The following SRGAP3 variants were observed in gnomAD, a reference collection of about 807,000 sequenced individuals.
SRGAP3 encodes SLIT-ROBO Rho GTPase-activating protein 3.
In SRGAP3, 39 loss-of-function variants were observed where a neutral mutation model predicts 121.1. That is an observed-to-expected ratio of 0.32 (90% confidence interval 0.25 to 0.42). SRGAP3 has a LOEUF of 0.42. SRGAP3 is among the 10% of genes least tolerant of loss of function. The probability of loss-of-function intolerance (pLI) is 1.00; values close to 1 mark genes in which losing one functional copy is unlikely to be tolerated. For missense variants in SRGAP3, 1,213 were observed against 1,470.6 expected, an observed-to-expected ratio of 0.82 and a Z score of 2.86; for synonymous variants, 601 against 570.0, an observed-to-expected ratio of 1.05 and a Z score of -0.77.
intron 3 of SRGAP3, among the ~76,000 whole-genome samples, chr3:9,303,223 AAGACC>A (rs1439675262): frequency 6.6e-6 from 1 of 152,092 alleles, no homozygotes; most frequent in Non-Finnish European, 1.5e-5. Context: ...CCAGGAGTTC[AAGACC>A]AGCCTGGCCA....
intron 1 of SRGAP3, among the ~76,000 whole-genome samples, chr3:9,231,290 A>G (rs959799631): frequency 2.6e-5 from 4 of 152,210 alleles, no homozygotes; most frequent in Admixed American, 1.3e-4. Context: ...CTAGAGTATC[A>G]GGATTTGCCT....
chr3:9,262,554 A>AAAAAAAAAAAAAAAAAAAC (rs1954276389), intron 3 of SRGAP3, among the ~76,000 whole-genome samples: 1 of 149,672 alleles, frequency 6.7e-6, no homozygotes. Flanking sequence ...AAAAAAAAAA[A>AAAAAAAAAAAAAAAAAAAC]AAGCAGTGGT....
chr3:9,309,734 C>G (rs1955212269), intron 3 of SRGAP3, among the ~76,000 whole-genome samples: 1 of 152,128 alleles, frequency 6.6e-6, no homozygotes, highest in Admixed American at 6.6e-5. Context: ...GGGCACAGAC[C>G]TGTAGTCCCA....
intron 3 of SRGAP3, among the ~76,000 whole-genome samples, chr3:9,316,441 A>G (rs7613764): frequency 0.8 from 120,723 of 151,270 alleles, 48,364 homozygotes; most frequent in East Asian, 0.91. Flanking sequence ...GGTGGATCCC[A>G]ATGTCAGGAG....
At chr3:9,256,833 G>C in intron 3 of SRGAP3, 1 of 398,528 alleles carries the variant, frequency 2.5e-6, no homozygotes, top group Non-Finnish European at 4.4e-6. Flanking sequence ...GTCGGTGATG[G>C]AGAGTTAACT....
At chr3:9,123,623 T>C (rs1010658879) in intron 2 of SRGAP3, among the ~76,000 whole-genome samples, 5 of 151,804 alleles carry the variant, frequency 3.3e-5, no homozygotes, top group African/African-American at 1.2e-4. Flanking sequence ...GAGAATCTCT[T>C]GAACCCGGGA....
In SRGAP3 at chr3:9,325,474, T is replaced by C. The variant is rs1190408855; in HGVS notation, n.442+536A>G. ...CTTTTCTGTTTAGTCAATTCTATTA[T>C]TTAGCATAACTTTCACATAAGAATT... On this transcript the variant is annotated intron_variant and non_coding_transcript_variant, in intron 3 of 3. Transcript: ENST00000490889. Among the ~76,000 whole-genome samples, 3 of 152,014 alleles carry C rather than the reference T, an allele frequency of 2.0e-5. 1 individual carries two copies. The highest frequency in any genetic ancestry group is 4.4e-5 in the Non-Finnish European group (3 of 68,014).
chr3:9,190,655 T>C (rs1269626406), intron 1 of SRGAP3, among the ~76,000 whole-genome samples: 3 of 152,238 alleles, frequency 2.0e-5, no homozygotes, highest in Non-Finnish European at 2.9e-5. Context: ...TTTTGTTTCA[T>C]TAGGTTTTAG....
chr3:8,991,584 T>G (rs973922584), intron 20 of SRGAP3, among the ~76,000 whole-genome samples: 1 of 152,224 alleles, frequency 6.6e-6, no homozygotes, highest in African/African-American at 2.4e-5. Flanking sequence ...TTTATTAATC[T>G]GTGAAGCGGG....
intron 1 of SRGAP3, among the ~76,000 whole-genome samples, chr3:9,204,357 G>C (rs1449171114): frequency 6.6e-6 from 1 of 152,160 alleles, no homozygotes. Context: ...AGAGAGTTCG[G>C]AGGTCACCAG....
At chr3:9,098,364 T>C (rs1948074455) in intron 3 of SRGAP3, among the ~76,000 whole-genome samples, 1 of 152,178 alleles carries the variant, frequency 6.6e-6, no homozygotes, top group Non-Finnish European at 1.5e-5. Flanking sequence ...TTCAACTTCC[T>C]GGACTCAAAT....
intron 1 of SRGAP3, among the ~76,000 whole-genome samples, chr3:9,175,786 T>C (rs775458493): frequency 3.9e-5 from 6 of 152,348 alleles, no homozygotes; most frequent in Admixed American, 1.3e-4. Context: ...GGGATGCTTC[T>C]ACATGTTTAG....
intron 18 of SRGAP3, among the ~76,000 whole-genome samples, chr3:9,003,920 A>C (rs921169423): frequency 6.6e-6 from 1 of 152,210 alleles, no homozygotes; most frequent in African/African-American, 2.4e-5. Context: ...AAAAAGAAAT[A>C]AAAGGTATCC....
At chr3:9,345,785 C>CAAAAAAAAAAAAAAAAAAAA (rs34225108) in intron 1 of SRGAP3, among the ~76,000 whole-genome samples, 6 of 65,250 alleles carry the variant, frequency 9.2e-5, no homozygotes, top group East Asian at 4.1e-4. Flanking sequence ...GACTCCAACT[C>CAAAAAAAAAAAAAAAAAAAA]AAAAAAAAAA....
chr3:9,056,176 TGGG>T, intron 8 of SRGAP3, 54 bp downstream of exon 8: 1 of 1,570,834 alleles, frequency 6.4e-7, no homozygotes, highest in South Asian at 1.1e-5. Flanking sequence ...GTGGACTCCC[TGGG>T]ACAAGCCAGG....
chr3:9,164,288 A>ATT (rs1401413414), intron 1 of SRGAP3, among the ~76,000 whole-genome samples: 3 of 147,366 alleles, frequency 2.0e-5, no homozygotes, highest in African/African-American at 7.5e-5. Flanking sequence ...TTATTTATTT[A>ATT]TTTATTTATT....
At chr3:9,073,137 T>G (rs1946797361) in intron 4 of SRGAP3, among the ~76,000 whole-genome samples, 2 of 152,200 alleles carry the variant, frequency 1.3e-5, no homozygotes. Context: ...AGTTTATTTT[T>G]TAACTTTAAA....
At chr3:9,169,910 C>G (rs1299083325) in intron 1 of SRGAP3, among the ~76,000 whole-genome samples, 1 of 152,112 alleles carries the variant, frequency 6.6e-6, no homozygotes, top group Non-Finnish European at 1.5e-5. Flanking sequence ...GTCATGGTCC[C>G]CTTTCCTGAG....
chr3:9,095,659 G>A (rs1314576565), intron 3 of SRGAP3, among the ~76,000 whole-genome samples: 1 of 152,046 alleles, frequency 6.6e-6, no homozygotes, highest in Non-Finnish European at 1.5e-5. Context: ...TCTCTTTCTG[G>A]GCTCTCTTCT....
Sources: gnomAD v4.1 joint callset for allele counts (sites outside exome capture counted in the v4.1 genomes callset) on GRCh38, gnomAD v4.1.1 for gene constraint, MANE v1.5 for transcripts, NCBI Gene and HGNC (gene_info 2026-07-23, HGNC 2026-07-21) for gene names.